The following PDZRN3 variants were observed in gnomAD, a reference collection of about 807,000 sequenced individuals.
PDZRN3 encodes the protein PDZ domain containing ring finger 3, also known as E3 ubiquitin-protein ligase PDZRN3.
Under a neutral mutation model 85.7 loss-of-function variants are expected in PDZRN3, and 38 were observed. That is an observed-to-expected ratio of 0.44 (90% CI 0.34 to 0.58). The LOEUF (loss-of-function observed/expected upper bound fraction) is 0.58. Ranked by LOEUF, PDZRN3 falls within the 20% of genes least tolerant of loss-of-function variation. The pLI is 0.01. For synonymous variants in PDZRN3, 759 were observed against 638.0 expected, an observed-to-expected ratio of 1.19 and a Z score of -2.86; for missense variants, 1,629 against 1,506.4, an observed-to-expected ratio of 1.08 and a Z score of -1.35.
chr3:73,616,634 T>G (rs1464154999), intron 1 of PDZRN3, among the ~76,000 whole-genome samples: 1 of 152,242 alleles, frequency 6.6e-6, no homozygotes, highest in Non-Finnish European at 1.5e-5. Context: ...ACAATCTCTT[T>G]TCTTCTAGAT....
chr3:73,613,453 C>T (rs1038618877), intron 1 of PDZRN3, among the ~76,000 whole-genome samples: 26 of 152,008 alleles, frequency 1.7e-4, no homozygotes, highest in African/African-American at 3.4e-4. Flanking sequence ...AACTTAGGAA[C>T]GGTGGAGACA....
At chr3:73,394,537 A>C (rs1701597643) in intron 5 of PDZRN3, among the ~76,000 whole-genome samples, 1 of 152,136 alleles carries the variant, frequency 6.6e-6, no homozygotes, top group East Asian at 1.9e-4. Context: ...TTATCAAAGG[A>C]TGAGTGATAT....
intron 3 of PDZRN3, among the ~76,000 whole-genome samples, chr3:73,416,191 G>C (rs189488843): frequency 6.6e-6 from 1 of 152,008 alleles, no homozygotes; most frequent in African/African-American, 2.4e-5. Context: ...CCCTCCCACC[G>C]TAAGCGCTCC....
At chr3:73,589,906 G>C (rs1702329180) in intron 3 of PDZRN3, among the ~76,000 whole-genome samples, 2 of 152,092 alleles carry the variant, frequency 1.3e-5, no homozygotes, top group South Asian at 2.1e-4. Context: ...TATTCATATA[G>C]AGTCATATAT....
intron 3 of PDZRN3, among the ~76,000 whole-genome samples, chr3:73,548,428 C>T (rs1004288363): frequency 6.6e-6 from 1 of 152,162 alleles, no homozygotes; most frequent in Non-Finnish European, 1.5e-5. Context: ...ACTCTGTATG[C>T]TGAAGCAAAG....
chr3:73,391,547 T>C (rs1701528109), intron 5 of PDZRN3, among the ~76,000 whole-genome samples: 2 of 152,188 alleles, frequency 1.3e-5, no homozygotes, highest in Non-Finnish European at 2.9e-5. Flanking sequence ...TTCACAGTCA[T>C]AGAACTTGCA....
chr3:73,589,738 A>G (rs993248816), intron 3 of PDZRN3, among the ~76,000 whole-genome samples: 2 of 152,226 alleles, frequency 1.3e-5, no homozygotes, highest in Non-Finnish European at 2.9e-5. Context: ...AATGAAGATT[A>G]TTAAACACAG....
chr3:73,383,685 C>T lies in PDZRN3; in HGVS notation c.2881G>A (p.Asp961Asn), dbSNP rs770814109. Residue 961 changes from aspartate to asparagine, a missense_variant, in exon 10 of 10, where the codon GAC (aspartate) becomes AAC (asparagine). Asp to Asn is a conservative substitution (Grantham distance 23, BLOSUM62 1). Coordinates refer to ENST00000263666, the MANE Select transcript of PDZRN3 (RefSeq NM_015009.3). ...ATCTTCATCTCGCTCACCGCGTCGTCGTCGGTGGTCATGCCGCTGCGCTCT... is the reference window on the plus strand; with the variant it reads ...ATCTTCATCTCGCTCACCGCGTCGTTGTCGGTGGTCATGCCGCTGCGCTCT... ...REERSGMTTD[D>N]DAVSEMKMGR... 6.2e-7 allele frequency: 1 copy of T among 1,611,936 alleles called. No individual in the cohort carries two copies. The highest frequency in any genetic ancestry group is 8.5e-7 in the Non-Finnish European group (1 of 1,180,022).
At chr3:73,539,560 T>G (rs1047938506) in intron 3 of PDZRN3, among the ~76,000 whole-genome samples, 1 of 152,060 alleles carries the variant, frequency 6.6e-6, no homozygotes, top group African/African-American at 2.4e-5. Flanking sequence ...GAGGCTGCTG[T>G]ATCAAGAAGC....
At chr3:73,427,178 T>C (rs1702333273) in intron 3 of PDZRN3, among the ~76,000 whole-genome samples, 1 of 152,342 alleles carries the variant, frequency 6.6e-6, no homozygotes, top group South Asian at 2.1e-4. Flanking sequence ...CAGGTCACTC[T>C]AGGCAGGACA....
At chr3:73,396,590 T>C (rs990533425) in intron 5 of PDZRN3, among the ~76,000 whole-genome samples, 11 of 152,328 alleles carry the variant, frequency 7.2e-5, no homozygotes, top group African/African-American at 2.6e-4. Flanking sequence ...TAGCTTCCTC[T>C]ATGAAACCAG....
chr3:73,561,430 G>A (rs555587887), intron 3 of PDZRN3: 1 of 152,304 alleles, frequency 6.6e-6, no homozygotes, highest in South Asian at 2.1e-4. Flanking sequence ...TGTCAAGAAG[G>A]GAAAAGGTTA....
intron 3 of PDZRN3, among the ~76,000 whole-genome samples, chr3:73,446,245 G>C (rs961141754): frequency 6.6e-6 from 1 of 152,016 alleles, no homozygotes; most frequent in African/African-American, 2.4e-5. Flanking sequence ...CTACCTTGGC[G>C]TGAGGCATTT....
chr3:73,559,184 A>G (rs759883075), intron 3 of PDZRN3, among the ~76,000 whole-genome samples: 2 of 152,176 alleles, frequency 1.3e-5, no homozygotes, highest in Admixed American at 6.5e-5. Context: ...TGGAATTAAT[A>G]TTATGCCCGG....
At position 73,587,989 on chromosome 3, in the gene PDZRN3, G is replaced by C. The variant is rs116260671; in HGVS notation, c.918+14365C>G. ...TTCTTCTAAAAACGAAACCAAACAGGGATACATGTGCAGAACATGCAGGTT... is the reference window on the plus strand; with the variant it reads ...TTCTTCTAAAAACGAAACCAAACAGCGATACATGTGCAGAACATGCAGGTT... On this transcript the variant is annotated intron_variant, in intron 3 of 9. Transcript: ENST00000263666. 3.7e-3 allele frequency among the ~76,000 whole-genome samples: 562 copies of C among 152,224 alleles called. 6 individuals are homozygous for C. The highest frequency in any genetic ancestry group is 0.013 in the African/African-American group (536 of 41,520).
At chr3:73,506,803 G>A (rs1480404830) in intron 3 of PDZRN3, among the ~76,000 whole-genome samples, 1 of 151,844 alleles carries the variant, frequency 6.6e-6, no homozygotes, top group Non-Finnish European at 1.5e-5. Flanking sequence ...TACTTAGGGA[G>A]GTTGACGCAG....
rs768240262 is a variant in PDZRN3, at chr3:73,383,789, C to T, written c.2777G>A (p.Arg926His). The T allele has an allele frequency of 6.2e-7, 1 of 1,613,458 alleles. No individual in the cohort carries two copies. The change falls in exon 10 of 10, where the codon CGC becomes CAC. Residue 926 changes from arginine (R) to histidine (H), a missense_variant. Transcript: ENST00000263666. Reference sequence around the variant, plus strand: ...GGTGATGTAGCGCGTCCCGTCGCTGCGGATCTTCACCTTCCACTCCATGCG... The same window carrying T: ...GGTGATGTAGCGCGTCCCGTCGCTGTGGATCTTCACCTTCCACTCCATGCG... ...EPRMEWKVKI[R>H]SDGTRYITKR...
At chr3:73,419,575 G>A (rs898930599) in intron 3 of PDZRN3, among the ~76,000 whole-genome samples, 8 of 152,298 alleles carry the variant, frequency 5.3e-5, no homozygotes, top group East Asian at 3.9e-4. Context: ...CCCTGCTTTT[G>A]TTTGGGTCAG....
intron 3 of PDZRN3, among the ~76,000 whole-genome samples, chr3:73,543,807 C>G (rs992817207): frequency 1.3e-5 from 2 of 152,112 alleles, no homozygotes; most frequent in Non-Finnish European, 2.9e-5. Flanking sequence ...TGACCAGACA[C>G]CAACAAGCAA....
Sources: allele counts gnomAD v4.1 joint callset (sites outside exome capture counted in the v4.1 genomes callset), GRCh38; gene constraint gnomAD v4.1.1; transcripts MANE v1.5; gene names NCBI Gene and HGNC (gene_info 2026-07-23, HGNC 2026-07-21).